GMDS: variants seen among roughly 807,000 people sequenced by gnomAD.
GMDS encodes the protein GDP-mannose 4,6-dehydratase, also known as GDP-mannose 4,6 dehydratase.
A neutral mutation model predicts 49.9 loss-of-function variants in GMDS; 20 were observed. The ratio of observed to expected loss-of-function variants is 0.40; its 90% CI spans 0.28 to 0.58. The LOEUF is 0.58. Among genes scored for constraint, GMDS ranks in the 20% least tolerant of loss-of-function variants. GMDS has a pLI of 0.42. For missense variants in GMDS, 362 were observed against 481.4 expected (o/e 0.75, Z 2.32); for synonymous variants, 177 against 178.6 (o/e 0.99, Z 0.07).
intron 4 of GMDS, among the ~76,000 whole-genome samples, chr6:2,011,412 G>C (rs1009562943): frequency 6.6e-6 from 1 of 152,142 alleles, no homozygotes; most frequent in African/African-American, 2.4e-5. Flanking sequence ...ACTGAAAATA[G>C]AACTATCATT....
At chr6:2,225,336 T>TAAAC (rs751896943) in intron 1 of GMDS, among the ~76,000 whole-genome samples, 21 of 151,926 alleles carry the variant, frequency 1.4e-4, no homozygotes, top group Admixed American at 3.3e-4. Flanking sequence ...TCTCAATAAA[T>TAAAC]AAACAAACAA....
chr6:2,245,302 C>A lies in GMDS; in HGVS notation c.102+19G>T. On this transcript the variant is annotated intron_variant, in intron 1 of 10. Coordinates refer to ENST00000380815, the MANE Select transcript of GMDS (RefSeq NM_001500.4). Reference sequence around the variant, plus strand: ...TGCCCAGGCTGCCTCGGCCGGCGCGCCCCCGCCCCCGCACTCACCTGGCCT... The same window carrying A: ...TGCCCAGGCTGCCTCGGCCGGCGCGACCCCGCCCCCGCACTCACCTGGCCT... 6.7e-7 allele frequency: 1 copy of A among 1,494,566 alleles called. No homozygotes were observed. Among genetic ancestry groups the A allele is most frequent in the Non-Finnish European group, 9.0e-7 (1 of 1,108,350 alleles). 92.6% of individuals were successfully genotyped at this position (1,494,566 alleles called of 1,614,324 possible). A position where few individuals can be genotyped will look rare whatever the true frequency, so the allele number is the denominator to read the frequency against.
intron 9 of GMDS, among the ~76,000 whole-genome samples, chr6:1,673,381 T>TA (rs1581440550): frequency 2.0e-5 from 3 of 151,676 alleles, no homozygotes; most frequent in African/African-American, 7.3e-5. Context: ...TTTTTTTTTT[T>TA]AAATAGACTT....
At chr6:1,963,853 C>T (rs1359040180) in intron 4 of GMDS, among the ~76,000 whole-genome samples, 2 of 152,192 alleles carry the variant, frequency 1.3e-5, no homozygotes, top group Admixed American at 6.5e-5. Context: ...ATTTATTTGA[C>T]ACTTTACAAT....
At chr6:1,636,310 C>A (rs1205065776) in intron 9 of GMDS, among the ~76,000 whole-genome samples, 3 of 152,142 alleles carry the variant, frequency 2.0e-5, no homozygotes, top group African/African-American at 7.2e-5. Flanking sequence ...AGAAAGTAGG[C>A]CCATCTTTGC....
At chr6:1,939,153 A>C (rs995216367) in intron 6 of GMDS, among the ~76,000 whole-genome samples, 8 of 151,818 alleles carry the variant, frequency 5.3e-5, no homozygotes, top group Non-Finnish European at 1.5e-5. Flanking sequence ...TTGTAATTTT[A>C]TATTCTGAAT....
chr6:1,899,398 C>T (rs1426414615), intron 7 of GMDS, among the ~76,000 whole-genome samples: 1 of 152,060 alleles, frequency 6.6e-6, no homozygotes, highest in Non-Finnish European at 1.5e-5. Context: ...GGTCCCCACG[C>T]GTCCTGGCTA....
chr6:2,236,033 T>C (rs1397624515), intron 1 of GMDS, among the ~76,000 whole-genome samples: 1 of 152,162 alleles, frequency 6.6e-6, no homozygotes, highest in African/African-American at 2.4e-5. Context: ...AAGATAGCAA[T>C]AGTGTTTCTC....
rs1288345803 is a variant in GMDS, at chr6:1,640,058, G to A, written c.988-15518C>T. ...AGTGCCTGATGTTGGGTAAGTGCCC[G>A]ACAGACAGCAGCTCCTGCCACTGCA... On this transcript the variant is annotated intron_variant, in intron 9 of 10. Coordinates refer to ENST00000380815, the MANE Select transcript of GMDS (RefSeq NM_001500.4). The surrounding 1 kb of genome is among the most constrained non-coding windows in gnomAD (Gnocchi z 4.0). Among the ~76,000 whole-genome samples, 8 of 152,140 alleles carry A rather than the reference G, an allele frequency of 5.3e-5. No individual in the cohort carries two copies. The highest frequency in any genetic ancestry group is 2.9e-5 in the Non-Finnish European group (2 of 68,012).
At chr6:1,794,656 G>A (rs940513230) in intron 7 of GMDS, among the ~76,000 whole-genome samples, 1 of 152,136 alleles carries the variant, frequency 6.6e-6, no homozygotes, top group South Asian at 2.1e-4. Context: ...CTCAACTCTG[G>A]ATATTAACAA....
At chr6:1,875,809 T>A (rs1759016729) in intron 7 of GMDS, among the ~76,000 whole-genome samples, 1 of 152,014 alleles carries the variant, frequency 6.6e-6, no homozygotes, top group Admixed American at 6.6e-5. Flanking sequence ...GCGCAACACC[T>A]GAGGTCACGA....
chr6:2,130,999 T>A (rs1015632856), intron 1 of GMDS, among the ~76,000 whole-genome samples: 2 of 152,160 alleles, frequency 1.3e-5, no homozygotes, highest in Admixed American at 6.5e-5. Flanking sequence ...ACCAATTGGT[T>A]TGTTCTTGGA....
intron 4 of GMDS, among the ~76,000 whole-genome samples, chr6:2,058,544 A>G (rs1269838675): frequency 6.6e-6 from 1 of 151,982 alleles, no homozygotes; most frequent in Admixed American, 6.5e-5. Context: ...GTAGAAAAGA[A>G]TATCTTGAGA....
intron 7 of GMDS, among the ~76,000 whole-genome samples, chr6:1,819,250 T>C (rs773593476): frequency 2.0e-5 from 3 of 152,204 alleles, no homozygotes; most frequent in Non-Finnish European, 2.9e-5. Context: ...TTTACACATA[T>C]ATATTTACAT....
intron 9 of GMDS, among the ~76,000 whole-genome samples, chr6:1,651,447 A>T (rs754905071): frequency 1.3e-5 from 2 of 152,184 alleles, no homozygotes; most frequent in Middle Eastern, 3.2e-3. Context: ...CCTCCTTCTC[A>T]GATGCTCTGT....
At chr6:1,934,358 C>T (rs996969795) in intron 6 of GMDS, among the ~76,000 whole-genome samples, 6 of 152,164 alleles carry the variant, frequency 3.9e-5, no homozygotes, top group Admixed American at 3.9e-4. Flanking sequence ...TAGCTATTCT[C>T]TGTCCCTTGA....
intron 1 of GMDS, among the ~76,000 whole-genome samples, chr6:2,219,890 T>G (rs1780505294): frequency 6.6e-6 from 1 of 152,208 alleles, no homozygotes; most frequent in Non-Finnish European, 1.5e-5. Context: ...ACTTTTTTAG[T>G]GTCAACATGG....
intron 7 of GMDS, among the ~76,000 whole-genome samples, chr6:1,856,228 T>C (rs1757932896): frequency 6.6e-6 from 1 of 152,238 alleles, no homozygotes; most frequent in African/African-American, 2.4e-5. Context: ...ACTTTTTTCA[T>C]CTTCTGATTT....
intron 9 of GMDS, among the ~76,000 whole-genome samples, chr6:1,638,668 A>G (rs1763238533): frequency 6.6e-6 from 1 of 152,034 alleles, no homozygotes; most frequent in African/African-American, 2.4e-5. Flanking sequence ...TTGGGATACT[A>G]CCAAGGGACC....
Sources: allele counts gnomAD v4.1 joint callset (sites outside exome capture counted in the v4.1 genomes callset), GRCh38; gene constraint gnomAD v4.1.1; non-coding constraint Gnocchi (gnomAD v3.1); transcripts MANE v1.5; gene names NCBI Gene and HGNC (gene_info 2026-07-23, HGNC 2026-07-21).